IL1RAPL2: variants seen among roughly 807,000 people sequenced by gnomAD.
IL1RAPL2 encodes the protein X-linked interleukin-1 receptor accessory protein-like 2.
A neutral mutation model predicts 44.1 loss-of-function variants in IL1RAPL2; 3 were observed. That is an observed-to-expected ratio of 0.07 (90% confidence interval 0.03 to 0.18). The LOEUF (loss-of-function observed/expected upper bound fraction) is 0.18. IL1RAPL2 is among the 10% of genes least tolerant of loss of function. The probability of loss-of-function intolerance (pLI) is 1.00; values close to 1 mark genes in which losing one functional copy is unlikely to be tolerated. For missense variants in IL1RAPL2, 391 were observed against 496.4 expected, an observed-to-expected ratio of 0.79 and a Z score of 2.02; for synonymous variants, 181 against 178.8, an observed-to-expected ratio of 1.01 and a Z score of -0.10.
chrX:105,057,586 C>T (rs1261986875), intron 2 of IL1RAPL2, among the ~76,000 whole-genome samples: 1 of 110,695 alleles, frequency 9.0e-6, no homozygotes. Context: ...AATCTAGCTA[C>T]CTCCATCTAT....
At position 104,607,923 on chromosome X, in the gene IL1RAPL2, T is replaced by C. The variant is rs1307436165; in HGVS notation, c.-20+40872T>C. Among the ~76,000 whole-genome samples, 7 of 111,922 alleles carry C rather than the reference T, an allele frequency of 6.3e-5. No homozygotes were observed. In the East Asian group the frequency reaches 1.1e-3, roughly 18 times the overall value. Reference sequence around the variant, plus strand: ...TAAATCATGCTAGTATACAGACACATGCACACGTATGTTTATTGTGGCACA... The same window carrying C: ...TAAATCATGCTAGTATACAGACACACGCACACGTATGTTTATTGTGGCACA... On this transcript the variant is annotated intron_variant, in intron 1 of 10. Coordinates refer to ENST00000372582, the MANE Select transcript of IL1RAPL2 (RefSeq NM_017416.2).
intron 2 of IL1RAPL2, among the ~76,000 whole-genome samples, chrX:105,069,979 T>C (rs1453519715): frequency 8.9e-6 from 1 of 112,117 alleles, no homozygotes; most frequent in African/African-American, 3.2e-5. Flanking sequence ...GAATGGCTTT[T>C]GATTTTCTTG....
intron 6 of IL1RAPL2, among the ~76,000 whole-genome samples, chrX:105,681,979 A>G (rs989975927): frequency 9.0e-6 from 1 of 111,687 alleles, no homozygotes; most frequent in Admixed American, 9.6e-5. Context: ...AAAAATATCT[A>G]AGACAAAAGA....
At chrX:105,327,460 G>T (rs12396625) in intron 5 of IL1RAPL2, among the ~76,000 whole-genome samples, 1,422 of 112,048 alleles carry the variant, frequency 0.013, 10 homozygotes, top group Middle Eastern at 0.028. Flanking sequence ...CCTACATTCA[G>T]ACTGTCACTG....
chrX:105,159,885 C>T (rs1005511656), intron 2 of IL1RAPL2, among the ~76,000 whole-genome samples: 3 of 110,039 alleles, frequency 2.7e-5, no homozygotes, highest in Admixed American at 9.7e-5. Flanking sequence ...ATTTAAAATT[C>T]GTGTAGCCCA....
In IL1RAPL2 at chrX:105,400,079, T is replaced by C. The variant is rs187044502; in HGVS notation, c.698-84234T>C. Reference sequence around the variant, plus strand: ...AGATGAAGCTGGAGAAGTAAGCAGGTGCTAAATCGTGTATTACCTTACAAA... The same window carrying C: ...AGATGAAGCTGGAGAAGTAAGCAGGCGCTAAATCGTGTATTACCTTACAAA... On this transcript the variant is annotated intron_variant, in intron 5 of 10. Transcript: ENST00000372582. Among the ~76,000 whole-genome samples the C allele has an allele frequency of 2.9e-3, 327 of 111,761 alleles. 1 individual carries two copies. Among genetic ancestry groups the C allele is most frequent in the African/African-American group, 0.01 (312 of 30,882 alleles).
intron 2 of IL1RAPL2, among the ~76,000 whole-genome samples, chrX:104,761,411 C>G (rs922342028): frequency 4.5e-5 from 5 of 110,809 alleles, no homozygotes; most frequent in Non-Finnish European, 7.6e-5. Flanking sequence ...CCCCCCAGGT[C>G]CCTCCCATGA....
intron 6 of IL1RAPL2, among the ~76,000 whole-genome samples, chrX:105,638,261 T>G (rs773865624): frequency 6.3e-5 from 7 of 111,445 alleles, no homozygotes; most frequent in Non-Finnish European, 1.3e-4. Context: ...GTTTCTTCTT[T>G]TCTTTTTTTT....
At chrX:105,533,175 G>A (rs962239579) in intron 6 of IL1RAPL2, among the ~76,000 whole-genome samples, 7 of 111,003 alleles carry the variant, frequency 6.3e-5, no homozygotes, top group African/African-American at 1.3e-4. Context: ...GGGCGACAGC[G>A]CAAGACTCCA....
At chrX:105,252,525 G>A (rs780144641) in intron 4 of IL1RAPL2, among the ~76,000 whole-genome samples, 2 of 111,636 alleles carry the variant, frequency 1.8e-5, no homozygotes, top group East Asian at 5.6e-4. Flanking sequence ...TAAGAATCTA[G>A]GCTTAGAAGG....
intron 5 of IL1RAPL2, among the ~76,000 whole-genome samples, chrX:105,452,897 G>A (rs933259078): frequency 2.7e-5 from 3 of 112,139 alleles, no homozygotes; most frequent in South Asian, 3.7e-4. Flanking sequence ...CCTGCAATGG[G>A]CATTTTACTG....
At chrX:105,232,565 G>A (rs1429826057) in intron 3 of IL1RAPL2, among the ~76,000 whole-genome samples, 4 of 111,872 alleles carry the variant, frequency 3.6e-5, no homozygotes, top group African/African-American at 1.3e-4. Context: ...TTATCAGGCT[G>A]CTTCTGATTT....
chrX:105,577,961 A>T (rs2037062443), intron 6 of IL1RAPL2, among the ~76,000 whole-genome samples: 1 of 109,771 alleles, frequency 9.1e-6, no homozygotes, highest in African/African-American at 3.3e-5. Context: ...TACATGTGCC[A>T]TGCTGGTGTG....
intron 1 of IL1RAPL2, among the ~76,000 whole-genome samples, chrX:104,647,032 C>CTT (rs1174518880): frequency 3.7e-5 from 4 of 106,700 alleles, no homozygotes; most frequent in African/African-American, 1.0e-4. Flanking sequence ...AAATTCCAAA[C>CTT]TTTTTTTTTT....
chrX:105,226,633 C>G (rs1429079066), intron 3 of IL1RAPL2, among the ~76,000 whole-genome samples: 1 of 109,530 alleles, frequency 9.1e-6, no homozygotes, highest in Non-Finnish European at 1.9e-5. Context: ...GAACTCCTGT[C>G]CACAAGTGAT....
intron 1 of IL1RAPL2, among the ~76,000 whole-genome samples, chrX:104,653,157 T>A (rs1479336601): frequency 9.0e-6 from 1 of 111,482 alleles, no homozygotes; most frequent in Non-Finnish European, 1.9e-5. Context: ...ACATTGGAAA[T>A]CCCTTGCAAG....
chrX:105,651,829 G>A (rs2037644418), intron 6 of IL1RAPL2, among the ~76,000 whole-genome samples: 1 of 111,809 alleles, frequency 8.9e-6, no homozygotes, highest in South Asian at 3.7e-4. Context: ...GCAGGTGCAC[G>A]CTTTGCACAG....
rs150105659 is a variant in IL1RAPL2, at chrX:105,029,979, G to C, written c.83-165496G>C. Among the ~76,000 whole-genome samples, 255 of 111,998 alleles carry C rather than the reference G, an allele frequency of 2.3e-3. 1 individual carries two copies. The highest frequency in any genetic ancestry group is 7.6e-3 in the African/African-American group (235 of 30,822). On this transcript the variant is annotated intron_variant, in intron 2 of 10. Transcript: ENST00000372582. ...TGAGATGGTATCTCATTGTGGTTTT[G>C]ATTTGCATTTCTCTGATGGTCAGTG...
At chrX:105,139,678 G>C (rs777284082) in intron 2 of IL1RAPL2, among the ~76,000 whole-genome samples, 1 of 111,136 alleles carries the variant, frequency 9.0e-6, no homozygotes, top group Admixed American at 9.5e-5. Context: ...TTTTCATAAG[G>C]GCACTAATCC....
Sources: gnomAD v4.1 joint callset for allele counts (sites outside exome capture counted in the v4.1 genomes callset) on GRCh38, gnomAD v4.1.1 for gene constraint, MANE v1.5 for transcripts, NCBI Gene and HGNC (gene_info 2026-07-23, HGNC 2026-07-21) for gene names.